MALRD1: variants seen among roughly 807,000 people sequenced by gnomAD.
MALRD1 encodes the protein MAM and LDL receptor class A domain containing 1.
In MALRD1, 247 loss-of-function variants were observed where a neutral mutation model predicts 242.1. The observed-to-expected ratio is 1.02, with a 90% CI of 0.92 to 1.13. The LOEUF is 1.13. Among genes scored for constraint, MALRD1 ranks in the 50% most tolerant of loss-of-function variants. MALRD1 has a pLI of 0.00. For missense variants in MALRD1, 2,989 were observed against 2,533.1 expected, an observed-to-expected ratio of 1.18 and a Z score of -3.86; for synonymous variants, 995 against 866.6, an observed-to-expected ratio of 1.15 and a Z score of -2.60.
intron 8 of MALRD1, among the ~76,000 whole-genome samples, chr10:19,129,555 C>A (rs1452579950): frequency 6.6e-6 from 1 of 151,908 alleles, no homozygotes; most frequent in African/African-American, 2.4e-5. Flanking sequence ...CAGCCCCTCT[C>A]TTCTTCCCCA....
At chr10:19,107,390 A>G (rs1351726325) in intron 5 of MALRD1, among the ~76,000 whole-genome samples, 1 of 151,916 alleles carries the variant, frequency 6.6e-6, no homozygotes, top group East Asian at 1.9e-4. Context: ...AACCATCATT[A>G]TCCATTTTTT....
chr10:19,396,046 A>G (rs906371117), intron 28 of MALRD1, among the ~76,000 whole-genome samples: 1 of 151,682 alleles, frequency 6.6e-6, no homozygotes, highest in Non-Finnish European at 1.5e-5. Context: ...TTGCCATTCT[A>G]TTTCTGTTTC....
At chr10:19,074,889 C>A (rs1190958454) in intron 2 of MALRD1, among the ~76,000 whole-genome samples, 1 of 151,788 alleles carries the variant, frequency 6.6e-6, no homozygotes, top group Non-Finnish European at 1.5e-5. Flanking sequence ...ACATAAAAAT[C>A]CTATAATAGT....
intron 23 of MALRD1, among the ~76,000 whole-genome samples, chr10:19,329,127 T>G (rs1203622267): frequency 6.6e-6 from 1 of 152,236 alleles, no homozygotes; most frequent in Non-Finnish European, 1.5e-5. Flanking sequence ...CCTGATTTTT[T>G]TGACTCTTAA....
At chr10:19,075,523 G>A (rs1407432861) in intron 2 of MALRD1, among the ~76,000 whole-genome samples, 2 of 152,032 alleles carry the variant, frequency 1.3e-5, no homozygotes, top group African/African-American at 4.8e-5. Context: ...AAGTAATACA[G>A]GGGCCTCTAA....
chr10:19,206,685 G>C (rs1836802402), intron 17 of MALRD1, among the ~76,000 whole-genome samples: 1 of 152,172 alleles, frequency 6.6e-6, no homozygotes, highest in East Asian at 1.9e-4. Context: ...GTACATTACA[G>C]ATCCACAAAT....
intron 26 of MALRD1, among the ~76,000 whole-genome samples, chr10:19,370,401 T>C (rs1001778722): frequency 6.6e-6 from 1 of 152,070 alleles, no homozygotes; most frequent in East Asian, 1.9e-4. Flanking sequence ...TTTGTCTCAG[T>C]GCTGCTTTTT....
intron 25 of MALRD1, among the ~76,000 whole-genome samples, chr10:19,348,220 C>G (rs1844217921): frequency 6.6e-6 from 1 of 151,958 alleles, no homozygotes; most frequent in South Asian, 2.1e-4. Flanking sequence ...AAGAATTTCT[C>G]CTATGGATAA....
chr10:19,450,626 A>G (rs527886930), intron 29 of MALRD1, 136 bp downstream of exon 29: 394 of 811,842 alleles, frequency 4.9e-4, no homozygotes, highest in Non-Finnish European at 6.5e-4. Context: ...GTATAATTTT[A>G]TAATTGTGAA....
intron 32 of MALRD1, among the ~76,000 whole-genome samples, chr10:19,541,724 C>A (rs1445254874): frequency 6.6e-6 from 1 of 152,154 alleles, no homozygotes; most frequent in Admixed American, 6.5e-5. Context: ...AGCATACAAA[C>A]ATAATCTATC....
At chr10:19,502,021 A>AAAAAGAAAAGAAAAG (rs538436241) in intron 31 of MALRD1, among the ~76,000 whole-genome samples, 2 of 114,088 alleles carry the variant, frequency 1.8e-5, no homozygotes, top group Admixed American at 1.6e-4. Context: ...TCAAAAAAAA[A>AAAAAGAAAAGAAAAG]AAAAGAAAAG....
rs563992588 is a variant in MALRD1, at chr10:19,443,047, G to C, written c.4846-7260G>C. Among the ~76,000 whole-genome samples, 357 of 152,284 alleles carry C rather than the reference G, an allele frequency of 2.3e-3. 1 individual carries two copies. The highest frequency in any genetic ancestry group is 8.4e-3 in the African/African-American group (350 of 41,548). ...TCAACTTCTTCCTGGTTTAGTCTGG[G>C]AGAGTGTATGTGTCGAGGAATTTAT... On this transcript the variant is annotated intron_variant, in intron 28 of 39. Transcript: ENST00000454679.
At chr10:19,622,801 T>G (rs1359364076) in intron 36 of MALRD1, among the ~76,000 whole-genome samples, 1 of 151,962 alleles carries the variant, frequency 6.6e-6, no homozygotes, top group Non-Finnish European at 1.5e-5. Context: ...GGCATCTGAA[T>G]AGAAAATTTG....
Position 19,730,798 on chromosome 10 carries a change from A to T in MALRD1, c.6390+17A>T. 6.5e-7 allele frequency: 1 copy of T among 1,534,416 alleles called. No individual in the cohort carries two copies. Among genetic ancestry groups the T allele is most frequent in the Non-Finnish European group, 8.7e-7 (1 of 1,145,074 alleles). On this transcript the variant is annotated intron_variant, in intron 39 of 39. Transcript: ENST00000454679. ...AAAACAGAGGTAAGTGGCAAGGGTG[A>T]ACTATATCTTTTCACACATATGCAC...
intron 36 of MALRD1, among the ~76,000 whole-genome samples, chr10:19,630,697 TA>T (rs1261837036): frequency 2.0e-5 from 3 of 152,128 alleles, no homozygotes; most frequent in African/African-American, 7.2e-5. Flanking sequence ...TTATGGATTT[TA>T]TGGTGTCAAG....
At chr10:19,275,396 C>T (rs922217665) in intron 19 of MALRD1, among the ~76,000 whole-genome samples, 52 of 152,226 alleles carry the variant, frequency 3.4e-4, no homozygotes, top group East Asian at 7.7e-4. Context: ...CGGCCGGGTG[C>T]GGTGGCTCAC....
intron 22 of MALRD1, among the ~76,000 whole-genome samples, chr10:19,326,814 T>TGAA (rs71287315): frequency 0.14 from 20,663 of 152,112 alleles, 1,428 homozygotes; most frequent in South Asian, 0.16. Flanking sequence ...TTTGGTTGTA[T>TGAA]GAATTCTATT....
At chr10:19,523,994 T>G (rs1833987438) in intron 31 of MALRD1, among the ~76,000 whole-genome samples, 2 of 152,184 alleles carry the variant, frequency 1.3e-5, no homozygotes, top group Admixed American at 1.3e-4. Flanking sequence ...TTATGACATT[T>G]AAAAGAAATA....
At chr10:19,565,645 T>A (rs1836217799) in intron 32 of MALRD1, among the ~76,000 whole-genome samples, 1 of 152,162 alleles carries the variant, frequency 6.6e-6, no homozygotes, top group African/African-American at 2.4e-5. Flanking sequence ...GTAAACCAAG[T>A]ATCCACCAGA....
Sources: allele counts gnomAD v4.1 joint callset (sites outside exome capture counted in the v4.1 genomes callset), GRCh38; gene constraint gnomAD v4.1.1; transcripts MANE v1.5; gene names NCBI Gene and HGNC (gene_info 2026-07-23, HGNC 2026-07-21).